The following RBFOX3 variants were observed in gnomAD, a reference collection of about 807,000 sequenced individuals.
The protein encoded by RBFOX3 is RNA binding fox-1 homolog 3.
Under a neutral mutation model 48.7 loss-of-function variants are expected in RBFOX3, and 17 were observed. The observed-to-expected ratio is 0.35, with a 90% CI of 0.24 to 0.52. The LOEUF (loss-of-function observed/expected upper bound fraction) is 0.52. Among genes scored for constraint, RBFOX3 ranks in the 20% least tolerant of loss-of-function variants. RBFOX3 has a pLI of 0.94. For synonymous variants in RBFOX3, 212 were observed against 209.5 expected (o/e 1.01, Z -0.10); for missense variants, 382 against 497.5 (o/e 0.77, Z 2.21).
chr17:79,184,704 C>T (rs1047502441), intron 4 of RBFOX3, among the ~76,000 whole-genome samples: 3 of 152,242 alleles, frequency 2.0e-5, no homozygotes, highest in Admixed American at 6.5e-5. Context: ...CCATTCTGAA[C>T]GCACCTGTCC....
chr17:79,093,791 CCACACACACACACACACA>C (rs60453390), intron 14 of RBFOX3, among the ~76,000 whole-genome samples: 30 of 143,934 alleles, frequency 2.1e-4, no homozygotes, highest in East Asian at 1.1e-3. Context: ...CAACAGCTGG[CCACACACACACACACACA>C]CACACACACA....
chr17:79,185,124 A>T (rs1182054333), intron 4 of RBFOX3, among the ~76,000 whole-genome samples: 1 of 151,352 alleles, frequency 6.6e-6, no homozygotes, highest in African/African-American at 2.4e-5. Flanking sequence ...AGGAGCTGGG[A>T]TGTGGAGTCC....
At chr17:79,608,646 G>A (rs1395698633) in intron 1 of RBFOX3, among the ~76,000 whole-genome samples, 1 of 152,146 alleles carries the variant, frequency 6.6e-6, no homozygotes, top group Non-Finnish European at 1.5e-5. Context: ...CGTGCTTCTT[G>A]CTCCTTAACC....
chr17:79,356,367 T>TGTTTTTGTTTTTG (rs2085061815), intron 2 of RBFOX3, among the ~76,000 whole-genome samples: 1 of 77,052 alleles, frequency 1.3e-5, no homozygotes, highest in East Asian at 4.8e-4. Flanking sequence ...TTTTTTTTTT[T>TGTTTTTGTTTTTG]TTTTTTTTTT....
chr17:79,420,563 A>C (rs573108201), intron 2 of RBFOX3, among the ~76,000 whole-genome samples: 15 of 152,270 alleles, frequency 9.9e-5, no homozygotes, highest in African/African-American at 3.6e-4. Context: ...ACCCAGGAGA[A>C]GGGGTCCACA....
At chr17:79,559,982 G>T (rs1314992138) in intron 1 of RBFOX3, among the ~76,000 whole-genome samples, 2 of 147,104 alleles carry the variant, frequency 1.4e-5, no homozygotes, top group Non-Finnish European at 3.0e-5. Flanking sequence ...ATGGATGGGT[G>T]GATGGTGAAC....
At chr17:79,555,510 G>GATAATAGTGATA (rs1330533876) in intron 1 of RBFOX3, among the ~76,000 whole-genome samples, 2 of 46,182 alleles carry the variant, frequency 4.3e-5, no homozygotes, top group Non-Finnish European at 8.3e-5. Context: ...TGGTGGTGGT[G>GATAATAGTGATA]ATGGTGGTGG....
At chr17:79,459,300 G>A (rs1009567109) in intron 2 of RBFOX3, among the ~76,000 whole-genome samples, 1 of 152,186 alleles carries the variant, frequency 6.6e-6, no homozygotes, top group Non-Finnish European at 1.5e-5. Context: ...GCTGGTGCTG[G>A]CCATGTGGGA....
chr17:79,202,920 A>AG (rs929816185), intron 4 of RBFOX3, among the ~76,000 whole-genome samples: 2 of 152,178 alleles, frequency 1.3e-5, no homozygotes, highest in Non-Finnish European at 2.9e-5. Flanking sequence ...TGGAGCCCCG[A>AG]GGGGCTAAGC....
Position 79,479,593 on chromosome 17 carries a change from G to A in RBFOX3, c.-175+2861C>T, listed in dbSNP as rs972373014. 2.0e-5 allele frequency among the ~76,000 whole-genome samples: 3 copies of A among 152,214 alleles called. No individual in the cohort carries two copies. The highest frequency in any genetic ancestry group is 6.5e-5 in the Admixed American group (1 of 15,286). Reference sequence around the variant, plus strand: ...GGGGCTGGACAGTGAACACACCGAGGGAAGCAGCTCAGGTCCAAAAGAGCT... The same window carrying A: ...GGGGCTGGACAGTGAACACACCGAGAGAAGCAGCTCAGGTCCAAAAGAGCT... On this transcript the variant is annotated intron_variant, in intron 2 of 14. Transcript: ENST00000693108. This position sits in a 1 kb window ranked among gnomAD's most constrained non-coding sequence, Gnocchi z 5.1.
intron 1 of RBFOX3, among the ~76,000 whole-genome samples, chr17:79,494,916 C>T (rs1415316304): frequency 2.0e-5 from 3 of 152,150 alleles, no homozygotes; most frequent in East Asian, 1.9e-4. Context: ...AGCTGGAGGT[C>T]GATGATTTTC....
intron 3 of RBFOX3, among the ~76,000 whole-genome samples, chr17:79,294,893 C>T (rs1293780536): frequency 2.0e-5 from 3 of 152,238 alleles, no homozygotes; most frequent in Non-Finnish European, 4.4e-5. Flanking sequence ...GTTTCCCTCC[C>T]AACTCTTTAT....
chr17:79,217,036 C>A (rs1296099472), intron 4 of RBFOX3, among the ~76,000 whole-genome samples: 1 of 152,214 alleles, frequency 6.6e-6, no homozygotes, highest in African/African-American at 2.4e-5. Context: ...GGGCCCCCCA[C>A]TCTGGGCCTC....
intron 1 of RBFOX3, among the ~76,000 whole-genome samples, chr17:79,528,349 T>C (rs2087111643): frequency 7.9e-6 from 1 of 126,108 alleles, no homozygotes; most frequent in Admixed American, 7.2e-5. Flanking sequence ...AGGATCTTAG[T>C]TGAAACTCTG....
At position 79,429,419 on chromosome 17, in the gene RBFOX3, G is replaced by C. The variant is rs1473220292; in HGVS notation, c.-175+53035C>G. Among the ~76,000 whole-genome samples, 5 of 152,348 alleles carry C rather than the reference G, an allele frequency of 3.3e-5. 1 individual carries two copies. Among genetic ancestry groups the C allele is most frequent in the African/African-American group, 1.2e-4 (5 of 41,592 alleles). On this transcript the variant is annotated intron_variant, in intron 2 of 14. Coordinates refer to ENST00000693108, the MANE Select transcript of RBFOX3 (RefSeq NM_001350451.2). The stretch of plus-strand genomic sequence containing the variant: ...GACTGGCAATGTGGGGTGGCAGCAG[G>C]TGATGGGAGGAGAAGAGATGCAGGC...
chr17:79,349,109 G>C (rs2083412698), intron 2 of RBFOX3, among the ~76,000 whole-genome samples: 1 of 151,786 alleles, frequency 6.6e-6, no homozygotes, highest in Non-Finnish European at 1.5e-5. Flanking sequence ...CCATTTCTTG[G>C]CTCCTTCCCC....
rs2067854055 is a variant in RBFOX3 at position 79,428,705 on chromosome 17, C to T, written c.-175+53749G>A. 2.6e-5 allele frequency among the ~76,000 whole-genome samples: 4 copies of T among 152,222 alleles called. No homozygotes were observed. In the South Asian group the frequency reaches 8.3e-4, roughly 31 times the overall value. ...CCATGGTGGCAGTGCCTGTGACGCT[C>T]ACGTCCCCAGCAGGACGTGGCCTGT... On this transcript the variant is annotated intron_variant, in intron 2 of 14. Transcript: ENST00000693108.
chr17:79,246,617 G>C (rs540976008), intron 3 of RBFOX3, among the ~76,000 whole-genome samples: 4 of 152,210 alleles, frequency 2.6e-5, no homozygotes, highest in African/African-American at 7.2e-5. Context: ...CCCTGCTCCC[G>C]GGTGTGGAGA....
At chr17:79,561,811 C>T (rs1486638239) in intron 1 of RBFOX3, among the ~76,000 whole-genome samples, 3 of 152,206 alleles carry the variant, frequency 2.0e-5, no homozygotes, top group East Asian at 1.9e-4. Context: ...AGACCCAAAG[C>T]AGGCTCAGGC....
Sources: gnomAD v4.1 joint callset for allele counts (sites outside exome capture counted in the v4.1 genomes callset) on GRCh38, gnomAD v4.1.1 for gene constraint, Gnocchi (gnomAD v3.1) non-coding constraint, MANE v1.5 for transcripts, NCBI Gene and HGNC (gene_info 2026-07-23, HGNC 2026-07-21) for gene names.